Variants in WFDC3 observed in about 807,000 individuals in gnomAD.
The protein encoded by WFDC3 is WAP four-disulfide core domain 3.
In WFDC3, 15 loss-of-function variants were observed where a neutral mutation model predicts 25.8. The observed-to-expected ratio is 0.58, with a 90% confidence interval of 0.39 to 0.89. The LOEUF (loss-of-function observed/expected upper bound fraction) is 0.89, where lower values mean the gene tolerates loss of function less well. Among genes scored for constraint, WFDC3 ranks in the 40% least tolerant of loss-of-function variants. WFDC3 has a pLI of 0.00. For synonymous variants in WFDC3, 103 were observed against 107.1 expected (o/e 0.96, Z 0.24); for missense variants, 264 against 289.8 (o/e 0.91, Z 0.65).
At chr20:45,785,229 G>A (rs1308340259) in intron 4 of WFDC3, among the ~76,000 whole-genome samples, 1 of 152,118 alleles carries the variant, frequency 6.6e-6, no homozygotes. Context: ...CCAGCATTTT[G>A]GGAGCCAAGG....
In WFDC3 at chr20:45,774,436, C is replaced by G; in HGVS notation, c.688G>C (p.Val230Leu). The change falls in exon 7 of 7, where the codon GTG becomes CTG. Residue 230 changes from valine to leucine, a missense_variant. Val to Leu is a conservative substitution (Grantham distance 32, BLOSUM62 1). Transcript: ENST00000243938. ...CAGACAAATCAGCACAGCTAGGGCA[C>G]CGGGATCTCTGCAAGTAGAAGAAAC... is the stretch of plus-strand genomic sequence containing the variant. ...VRSDSELEIP[V>L]P 1 of 1,614,120 alleles carries G rather than the reference C, an allele frequency of 6.2e-7. No homozygotes were observed. The highest frequency in any genetic ancestry group is 8.5e-7 in the Non-Finnish European group (1 of 1,180,012).
intron 4 of WFDC3, among the ~76,000 whole-genome samples, chr20:45,782,174 T>C (rs1457402203): frequency 6.6e-6 from 1 of 152,114 alleles, no homozygotes; most frequent in African/African-American, 2.4e-5. Context: ...CCCCAGGTTG[T>C]CCCTGTCTCA....
rs968297879 is a variant in WFDC3 at position 45,788,327 on chromosome 20, G to A, written c.212-345C>T. The A allele has an allele frequency of 7.8e-5, 13 of 167,226 alleles. No homozygotes were observed. The East Asian group carries it at 2.3e-3, about 29-fold the overall frequency. 10.4% of individuals were successfully genotyped at this position (167,226 alleles called of 1,614,324 possible). ...CTCAAAAAAAAAAGAGAGAGAGAGAGAGAAAATAGTGCCTGGCAACACCCA... is the reference window on the plus strand; with the variant it reads ...CTCAAAAAAAAAAGAGAGAGAGAGAAAGAAAATAGTGCCTGGCAACACCCA... On this transcript the variant is annotated intron_variant, in intron 3 of 6. Coordinates refer to ENST00000243938, the MANE Select transcript of WFDC3 (RefSeq NM_080614.2).
chr20:45,781,026 G>A (rs1419254576), intron 4 of WFDC3, among the ~76,000 whole-genome samples: 5 of 151,466 alleles, frequency 3.3e-5, no homozygotes, highest in Middle Eastern at 3.4e-3. Context: ...AAACACTTGA[G>A]GTCAGGAGTT....
Position 45,783,603 on chromosome 20 carries a change from G to C in WFDC3, c.358+4233C>G, listed in dbSNP as rs113564535. 8.8e-3 allele frequency among the ~76,000 whole-genome samples: 1,338 copies of C among 151,902 alleles called. 21 individuals carry two copies. The highest frequency in any genetic ancestry group is 0.031 in the African/African-American group (1,275 of 41,382). ...AGAGAAATGAAGGGACTTGCCCAAG[G>C]CCACACAGCAAGCAAGCAGAAGAGC... On this transcript the variant is annotated intron_variant, in intron 4 of 6. Coordinates refer to ENST00000243938, the MANE Select transcript of WFDC3 (RefSeq NM_080614.2).
intron 5 of WFDC3, 98 bp downstream of exon 5, chr20:45,776,977 A>T (rs1980214631): frequency 6.3e-7 from 1 of 1,591,780 alleles, no homozygotes; most frequent in South Asian, 1.1e-5. Flanking sequence ...GACCAGAGGG[A>T]CAGGAAGGAT....
intron 5 of WFDC3, among the ~76,000 whole-genome samples, chr20:45,776,622 G>GAAAA (rs1226870114): frequency 9.2e-5 from 7 of 76,276 alleles, no homozygotes; most frequent in African/African-American, 4.2e-4. Context: ...AGAAAAAAAA[G>GAAAA]AAAAAAAAAA....
chr20:45,780,354 G>C (rs1980388371), intron 4 of WFDC3, among the ~76,000 whole-genome samples: 1 of 152,128 alleles, frequency 6.6e-6, no homozygotes, highest in African/African-American at 2.4e-5. Context: ...TGACGTCACA[G>C]GCATGAGTTA....
chr20:45,778,075 AAATGT>A (rs1241954680), intron 4 of WFDC3, among the ~76,000 whole-genome samples: 1 of 152,170 alleles, frequency 6.6e-6, no homozygotes, highest in African/African-American at 2.4e-5. Flanking sequence ...GGACATTAGC[AAATGT>A]AATGTAAGCA....
intron 4 of WFDC3, among the ~76,000 whole-genome samples, chr20:45,783,928 C>A (rs6032531): frequency 0.57 from 86,750 of 151,946 alleles, 25,922 homozygotes; most frequent in Admixed American, 0.68. Context: ...AGTATCACCT[C>A]CCACCAGGCT....
In WFDC3 at chr20:45,776,610, AAAGAAAAAAAAG is replaced by A. The variant is rs1482563857; in HGVS notation, c.493+453_493+464del. On this transcript the variant is annotated intron_variant, in intron 5 of 6. Coordinates refer to ENST00000243938, the MANE Select transcript of WFDC3 (RefSeq NM_080614.2). ...AAGACTCTGTCTCAAAAAAAAAAAAAAAGAAAAAAAAGAAAAAAAAAAAAAATATATATATAT... is the reference window on the plus strand; with the variant it reads ...AAGACTCTGTCTCAAAAAAAAAAAAAAAAAAAAAAAAAAATATATATATAT... Among the ~76,000 whole-genome samples the A allele has an allele frequency of 4.3e-3, 226 of 52,924 alleles. 1 individual carries two copies. Among genetic ancestry groups the A allele is most frequent in the African/African-American group, 0.015 (176 of 11,906 alleles). The allele number at this position is 52,924 out of a possible 152,430, so 34.7% of individuals were successfully genotyped here. A position where few individuals can be genotyped will look rare whatever the true frequency, so the allele number is the denominator to read the frequency against.
intron 1 of WFDC3, among the ~76,000 whole-genome samples, chr20:45,791,267 T>C (rs1980972322): frequency 6.9e-6 from 1 of 145,322 alleles, no homozygotes. Flanking sequence ...TAATTAACAT[T>C]TGATGATGAC....
intron 4 of WFDC3, among the ~76,000 whole-genome samples, chr20:45,783,096 A>T (rs554241776): frequency 6.6e-6 from 1 of 152,272 alleles, no homozygotes; most frequent in Admixed American, 6.5e-5. Flanking sequence ...CCAGGGTGGC[A>T]AGGACCACGG....
intron 6 of WFDC3, 107 bp from the exon 7 acceptor site, chr20:45,774,551 G>T: frequency 1.4e-6 from 2 of 1,446,412 alleles, no homozygotes; most frequent in Non-Finnish European, 1.9e-6. Flanking sequence ...GCTCTCAAAA[G>T]TCTTAAATAG....
At chr20:45,791,765 T>G in intron 1 of WFDC3, 67 bp downstream of exon 1, 1 of 371,454 alleles carries the variant, frequency 2.7e-6, no homozygotes, top group Non-Finnish European at 4.8e-6. Flanking sequence ...GAACCGCCAC[T>G]GAACACCCAC....
chr20:45,779,436 C>G (rs1381707911), intron 4 of WFDC3, among the ~76,000 whole-genome samples: 3 of 152,126 alleles, frequency 2.0e-5, no homozygotes, highest in Non-Finnish European at 2.9e-5. Flanking sequence ...GCGTAGTAAC[C>G]CTGTATCCTG....
Position 45,776,742 on chromosome 20 carries a change from T to C in WFDC3, c.493+333A>G, listed in dbSNP as rs1196638022. Among the ~76,000 whole-genome samples, 3 of 150,318 alleles carry C rather than the reference T, an allele frequency of 2.0e-5. No individual in the cohort carries two copies. In the South Asian group the frequency reaches 6.3e-4, roughly 31 times the overall value. On this transcript the variant is annotated intron_variant, in intron 5 of 6. Coordinates refer to ENST00000243938, the MANE Select transcript of WFDC3 (RefSeq NM_080614.2). ...TAAAAATTAGATCTGAAAATCAGGA[T>C]CTTGGGCAACTCCTTCATTTTACAG... is the stretch of plus-strand genomic sequence containing the variant.
chr20:45,778,278 A>G (rs1288334578), intron 4 of WFDC3, among the ~76,000 whole-genome samples: 1 of 152,228 alleles, frequency 6.6e-6, no homozygotes, highest in Non-Finnish European at 1.5e-5. Flanking sequence ...CTAAGCTCCC[A>G]GATGAATGCA....
At chr20:45,788,164 G>A (rs1161243398) in intron 3 of WFDC3, 182 bp from the exon 4 acceptor site, 10 of 503,648 alleles carry the variant, frequency 2.0e-5, no homozygotes, top group Non-Finnish European at 3.3e-6. Context: ...TTAGTCGGGG[G>A]TGGTGGCACA....
Sources: allele counts gnomAD v4.1 joint callset (sites outside exome capture counted in the v4.1 genomes callset), GRCh38; gene constraint gnomAD v4.1.1; transcripts MANE v1.5; gene names NCBI Gene and HGNC (gene_info 2026-07-23, HGNC 2026-07-21).